Variants in ARHGEF25 observed in about 807,000 individuals in gnomAD.
The protein encoded by ARHGEF25 is RAC/CDC42 exchange factor.
A neutral mutation model predicts 74.0 loss-of-function variants in ARHGEF25; 42 were observed. The observed-to-expected ratio is 0.57, with a 90% CI of 0.44 to 0.73. The LOEUF is 0.73. Among genes scored for constraint, ARHGEF25 ranks in the 30% least tolerant of loss-of-function variants. The pLI is 0.00. For missense variants in ARHGEF25, 645 were observed against 725.5 expected, an observed-to-expected ratio of 0.89 and a Z score of 1.27; for synonymous variants, 293 against 278.6, an observed-to-expected ratio of 1.05 and a Z score of -0.51.
rs970199758 is a variant in ARHGEF25, at chr12:57,611,560, C to A, written c.-335C>A. The A allele has an allele frequency of 4.0e-6, 4 of 996,008 alleles. No individual in the cohort carries two copies. The highest frequency in any genetic ancestry group is 4.8e-6 in the Non-Finnish European group (4 of 836,978). The allele number at this position is 996,008 out of a possible 1,614,324, so 61.7% of individuals were successfully genotyped here. A position where few individuals can be genotyped will look rare whatever the true frequency, so the allele number is the denominator to read the frequency against. On this transcript the variant is annotated 5_prime_UTR_variant, in exon 1 of 15. Coordinates refer to ENST00000286494, the MANE Select transcript of ARHGEF25 (RefSeq NM_182947.4). This position sits in a 1 kb window ranked among gnomAD's most constrained non-coding sequence, Gnocchi z 4.5. ...GGCCGGAGACAGCTGGAGCGGCTGC[C>A]GCATCCCGGCCCAGCCTCCCCTACC...
chr12:57,610,248 G>T (rs762634989), upstream of ARHGEF25: 3 of 1,593,698 alleles, frequency 1.9e-6, no homozygotes, highest in South Asian at 2.2e-5. Flanking sequence ...GCCCCTGGCC[G>T]CACTGACCGG....
intron 5 of ARHGEF25, 104 bp downstream of exon 5, chr12:57,613,864 C>T: frequency 6.6e-7 from 1 of 1,505,502 alleles, no homozygotes; most frequent in South Asian, 1.2e-5. Flanking sequence ...CCTCTCAAGC[C>T]TCCCCACTCC....
chr12:57,616,322 C>T lies in ARHGEF25; in HGVS notation c.1459C>T (p.Gln487Ter). 3.7e-6 allele frequency: 6 copies of T among 1,613,596 alleles called. No individual in the cohort carries two copies. In the South Asian group the frequency reaches 6.6e-5, roughly 18 times the overall value. Residue 487 changes from glutamine (Q) to a stop codon, truncating the protein, a stop_gained, in exon 14 of 15, where the codon CAG (glutamine) becomes TAG (stop). Transcript: ENST00000286494. LOFTEE classifies it high-confidence loss of function. ...SPIEYQRRES[Q>*]TNSLGRPRGP... is the part of the protein sequence containing the mutation. ...CATTGAGTACCAGAGACGGGAGAGC[C>T]AGACCAACAGCCTGGGGCGGCCAAG...
chr12:57,612,528 C>G (rs1884096703), intron 1 of ARHGEF25: 1 of 205,570 alleles, frequency 4.9e-6, no homozygotes, highest in Non-Finnish European at 9.3e-6. Context: ...CTGGGAGTGG[C>G]AGATGGACCC....
chr12:57,610,669 G>T, upstream of ARHGEF25: 1 of 1,608,978 alleles, frequency 6.2e-7, no homozygotes, highest in Non-Finnish European at 8.5e-7. Flanking sequence ...GGTCCTCGCC[G>T]GGGCTCTGCA....
chr12:57,615,528 A>AG lies in ARHGEF25; in HGVS notation c.1059dup (p.Lys354GlufsTer14). 1.2e-6 allele frequency: 2 copies of AG among 1,614,152 alleles called. No individual in the cohort carries two copies. The highest frequency in any genetic ancestry group is 1.7e-6 in the Non-Finnish European group (2 of 1,180,022). ...TGGTTTCAGGGCAAACTGACTGCTC[A>AG]GGGGAAGCTCTTGGGCCAGGACACT... On this transcript the variant is annotated frameshift_variant, in exon 12 of 15. Coordinates refer to ENST00000286494, the MANE Select transcript of ARHGEF25 (RefSeq NM_182947.4). LOFTEE classifies it high-confidence loss of function.
chr12:57,613,425 G>A lies in ARHGEF25; in HGVS notation c.409-15G>A, dbSNP rs190767976. The A allele has an allele frequency of 6.2e-7, 1 of 1,614,214 alleles. No individual in the cohort carries two copies. The highest frequency in any genetic ancestry group is 1.3e-5 in the African/African-American group (1 of 75,048). ...GGCATTCGTTTGCTCACCCTAGGAT[G>A]TTCTTTCCTTCCAGCCACCTGAAGA... On this transcript the variant is annotated splice_polypyrimidine_tract_variant and intron_variant, in intron 3 of 14. Transcript: ENST00000286494.
chr12:57,612,649 C>T (rs1386249909), intron 1 of ARHGEF25: 56 of 1,209,054 alleles, frequency 4.6e-5, no homozygotes, highest in Non-Finnish European at 5.8e-5. Flanking sequence ...GATGGCTGCC[C>T]CCACCCCCAT....
rs1884209929 is a variant in ARHGEF25, at chr12:57,614,788, AC to A, written c.909+12del. 6.2e-7 allele frequency: 1 copy of A among 1,602,988 alleles called. No individual in the cohort carries two copies. Among genetic ancestry groups the A allele is most frequent in the African/African-American group, 1.3e-5 (1 of 74,188 alleles). The stretch of plus-strand genomic sequence containing the variant: ...ATACCAGCTGCTGCTCAAGGTCAGG[AC>A]CCCCTTTTTCCTGGGGGCACAGCTG... On this transcript the variant is annotated splice_region_variant and intron_variant, in intron 9 of 14. Transcript: ENST00000286494. The surrounding 1 kb of genome is among the most constrained non-coding windows in gnomAD (Gnocchi z 4.6).
intron 4 of ARHGEF25, 47 bp downstream of exon 4, chr12:57,613,563 C>G (rs200661151): frequency 6.2e-7 from 1 of 1,612,618 alleles, no homozygotes; most frequent in African/African-American, 1.3e-5. Context: ...TTCCAGAAGA[C>G]TGTCCCTCAC....
At chr12:57,615,424 G>A (rs1337901215) in intron 11 of ARHGEF25, 88 bp from the exon 12 acceptor site, 1 of 1,591,736 alleles carries the variant, frequency 6.3e-7, no homozygotes, top group Non-Finnish European at 8.6e-7. Context: ...CCCCATGGTT[G>A]GTTGGGCATG....
Position 57,614,728 on chromosome 12 carries a change from G to A in ARHGEF25, c.856G>A (p.Asp286Asn). Residue 286 changes from aspartate (D) to asparagine (N), a missense_variant, in exon 9 of 15, where the codon GAC becomes AAC. Around this residue, in one of 3 missense-constraint regions of ARHGEF25, gnomAD observed 194 missense variants for 269.4 expected, o/e 0.72. Coordinates refer to ENST00000286494, the MANE Select transcript of ARHGEF25 (RefSeq NM_182947.4). The surrounding 1 kb of genome is among the most constrained non-coding windows in gnomAD (Gnocchi z 4.6). ...QQLGHRLQLN[D>N]LLIKPVQRIM... Reference sequence around the variant, plus strand: ...GCTGGGGCACCGCCTGCAGCTGAACGACCTCCTCATCAAACCTGTGCAGCG... The same window carrying A: ...GCTGGGGCACCGCCTGCAGCTGAACAACCTCCTCATCAAACCTGTGCAGCG... 2 of 1,613,314 alleles carry A rather than the reference G, an allele frequency of 1.2e-6. No homozygotes were observed. Among genetic ancestry groups the A allele is most frequent in the Non-Finnish European group, 1.7e-6 (2 of 1,179,818 alleles).
rs778601330 is a variant in ARHGEF25 at position 57,611,850 on chromosome 12, C to T, written c.-45C>T. 10 of 1,216,160 alleles carry T rather than the reference C, an allele frequency of 8.2e-6. No homozygotes were observed. The East Asian group carries it at 2.4e-4, about 30-fold the overall frequency. The allele number at this position is 1,216,160 out of a possible 1,614,324, so 75.3% of individuals were successfully genotyped here. A position where few individuals can be genotyped will look rare whatever the true frequency, so the allele number is the denominator to read the frequency against. On this transcript the variant is annotated 5_prime_UTR_variant, in exon 1 of 15. Coordinates refer to ENST00000286494, the MANE Select transcript of ARHGEF25 (RefSeq NM_182947.4). This position sits in a 1 kb window ranked among gnomAD's most constrained non-coding sequence, Gnocchi z 4.5. ...CCCGCCCCGCCCCCCGTGATTCCCCCTGCATGGCCGGCCCGGGTGGGGGGC... is the reference window on the plus strand; with the variant it reads ...CCCGCCCCGCCCCCCGTGATTCCCCTTGCATGGCCGGCCCGGGTGGGGGGC...
At position 57,613,252 on chromosome 12, in the gene ARHGEF25, T is replaced by C; in HGVS notation, c.313-12T>C. The C allele has an allele frequency of 1.2e-6, 2 of 1,613,968 alleles. No homozygotes were observed. The highest frequency in any genetic ancestry group is 2.2e-5 in the South Asian group (2 of 91,058). ...TGTCCCCGACCTCTGACACTTGATT[T>C]CTGGCCCCCAGAACTGGATGTTGGA... On this transcript the variant is annotated splice_polypyrimidine_tract_variant and intron_variant, in intron 2 of 14. Coordinates refer to ENST00000286494, the MANE Select transcript of ARHGEF25 (RefSeq NM_182947.4).
chr12:57,612,822 G>A, intron 1 of ARHGEF25, 108 bp from the exon 2 acceptor site: 1 of 1,516,262 alleles, frequency 6.6e-7, no homozygotes, highest in Non-Finnish European at 8.8e-7. Context: ...TGAGCCCTTG[G>A]AGAGAGAGGC....
rs1209911649 is a variant in ARHGEF25 at position 57,611,893 on chromosome 12, C to T, written c.-2C>T. 1 of 1,245,466 alleles carries T rather than the reference C, an allele frequency of 8.0e-7. No homozygotes were observed. Among genetic ancestry groups the T allele is most frequent in the Non-Finnish European group, 1.0e-6 (1 of 971,340 alleles). 77.2% of individuals were successfully genotyped at this position (1,245,466 alleles called of 1,614,324 possible). ...TGGGGGGCGCGGGGGGGCCCGGGCG[C>T]CATGCGGGGGGGGCACAAAGGGGGT... On this transcript the variant is annotated 5_prime_UTR_variant, in exon 1 of 15. Transcript: ENST00000286494. This position sits in a 1 kb window ranked among gnomAD's most constrained non-coding sequence, Gnocchi z 4.5.
chr12:57,615,177 C>A, intron 10 of ARHGEF25, 60 bp from the exon 11 acceptor site: 2 of 1,557,708 alleles, frequency 1.3e-6, no homozygotes, highest in South Asian at 1.2e-5. Context: ...GCCGAGGAGG[C>A]CTCTTTCCCA....
Position 57,611,859 on chromosome 12 carries a change from CGGCCCGGGTGGGGGGCGCGGGGG to C in ARHGEF25, c.-27_-5del. On this transcript the variant is annotated 5_prime_UTR_variant, in exon 1 of 15. Transcript: ENST00000286494. This position sits in a 1 kb window ranked among gnomAD's most constrained non-coding sequence, Gnocchi z 4.5. ...CCCCCCGTGATTCCCCCTGCATGGC[CGGCCCGGGTGGGGGGCGCGGGGG>C]GGCCCGGGCGCCATGCGGGGGGGGC... 1 of 1,209,720 alleles carries C rather than the reference CGGCCCGGGTGGGGGGCGCGGGGG, an allele frequency of 8.3e-7. No individual in the cohort carries two copies. The highest frequency in any genetic ancestry group is 1.0e-6 in the Non-Finnish European group (1 of 955,004). The allele number at this position is 1,209,720 out of a possible 1,614,324, so 74.9% of individuals were successfully genotyped here. A position where few individuals can be genotyped will look rare whatever the true frequency, so the allele number is the denominator to read the frequency against.
chr12:57,614,772 G>A lies in ARHGEF25; in HGVS notation c.900G>A (p.Leu300=), dbSNP rs1191209698. The change falls in exon 9 of 15, where the codon CTG becomes CTA. Residue 300 remains leucine, a synonymous_variant. Transcript: ENST00000286494. This position sits in a 1 kb window ranked among gnomAD's most constrained non-coding sequence, Gnocchi z 4.6. ...TGCAGCGGATCATGAAATACCAGCT[G>A]CTGCTCAAGGTCAGGACCCCCTTTT... The part of the protein sequence containing the change: ...KPVQRIMKYQ[L]LLKDFLKYYN... The A allele has an allele frequency of 1.2e-6, 2 of 1,608,852 alleles. No homozygotes were observed. The highest frequency in any genetic ancestry group is 2.2e-5 in the South Asian group (2 of 90,320).
Sources: allele counts gnomAD v4.1 joint callset, GRCh38; gene constraint gnomAD v4.1.1; regional missense constraint gnomAD v4.1.1; non-coding constraint Gnocchi (gnomAD v3.1); transcripts MANE v1.5; gene names NCBI Gene and HGNC (gene_info 2026-07-23, HGNC 2026-07-21).